The following ARHGEF4 variants were observed in gnomAD, a reference collection of about 807,000 sequenced individuals.
ARHGEF4 encodes the protein Rho guanine nucleotide exchange factor 4.
Under a neutral mutation model 162.0 loss-of-function variants are expected in ARHGEF4, and 119 were observed. That is an observed-to-expected ratio of 0.73 (90% CI 0.63 to 0.86). The LOEUF (loss-of-function observed/expected upper bound fraction) is 0.86, where lower values mean the gene tolerates loss of function less well. ARHGEF4 is among the 40% of genes least tolerant of loss of function. The pLI, the probability that ARHGEF4 is intolerant of heterozygous loss-of-function variation, is 0.00. For missense variants in ARHGEF4, 2,488 were observed against 2,456.0 expected, an observed-to-expected ratio of 1.01 and a Z score of -0.28; for synonymous variants, 1,014 against 979.9, an observed-to-expected ratio of 1.03 and a Z score of -0.65.
intron 3 of ARHGEF4, among the ~76,000 whole-genome samples, chr2:130,943,928 C>T (rs1040340490): frequency 2.6e-5 from 4 of 152,174 alleles, no homozygotes; most frequent in Non-Finnish European, 4.4e-5. Flanking sequence ...CCTCTGGTAT[C>T]ATTTTCCTTT....
intron 3 of ARHGEF4, 46 bp downstream of exon 3, chr2:130,931,303 C>A: frequency 6.6e-7 from 1 of 1,518,938 alleles, no homozygotes; most frequent in East Asian, 2.4e-5. Context: ...TCTGGTATCC[C>A]CTTCTCTCTG....
intron 6 of ARHGEF4, chr2:131,039,570 C>T (rs773465188): frequency 8.7e-6 from 9 of 1,035,550 alleles, no homozygotes; most frequent in Admixed American, 5.3e-5. Flanking sequence ...AGGTCCCAGG[C>T]CCTGGTGTTC....
intron 4 of ARHGEF4, among the ~76,000 whole-genome samples, chr2:130,958,503 C>T (rs566331597): frequency 8.6e-5 from 13 of 151,740 alleles, no homozygotes; most frequent in African/African-American, 1.2e-4. Context: ...TCCGCCCCCC[C>T]GATCCGAGCG....
Position 130,915,736 on chromosome 2 carries a change from G to A in ARHGEF4, c.1790G>A (p.Cys597Tyr), listed in dbSNP as rs1681442269. The A allele has an allele frequency of 6.5e-7, 1 of 1,547,090 alleles. No homozygotes were observed. The highest frequency in any genetic ancestry group is 1.4e-5 in the African/African-American group (1 of 73,008). Residue 597 changes from cysteine (C) to tyrosine (Y), a missense_variant, in exon 2 of 14, where the codon TGC (cysteine) becomes TAC (tyrosine). By Grantham distance (194) the Cys-to-Tyr change is radical (BLOSUM62 -2). This residue lies in a region of ARHGEF4 where 1,642 missense variants were observed against 1,481.5 expected (regional missense o/e 1.11). Coordinates refer to ENST00000409359, the MANE Select transcript of ARHGEF4 (RefSeq NM_001367493.1). Reference sequence around the variant, plus strand: ...TTCAAGGCAGCCACGGTGTCTCACTGCGGCCCCGGGGCTGAGGAGGGTGAA... The same window carrying A: ...TTCAAGGCAGCCACGGTGTCTCACTACGGCCCCGGGGCTGAGGAGGGTGAA... ...SEFKAATVSH[C>Y]GPGAEEGEQG...
At chr2:130,904,818 C>G (rs1047088353) in intron 1 of ARHGEF4, among the ~76,000 whole-genome samples, 3 of 151,592 alleles carry the variant, frequency 2.0e-5, no homozygotes, top group Non-Finnish European at 4.4e-5. Flanking sequence ...GTGGCTCATG[C>G]CTGTAATCCC....
At chr2:130,842,648 A>G (rs67203508) in intron 1 of ARHGEF4, among the ~76,000 whole-genome samples, 2,023 of 152,296 alleles carry the variant, frequency 0.013, 48 homozygotes, top group African/African-American at 0.046. Flanking sequence ...GGGGCTGGCC[A>G]TGCAGGCAGT....
rs541655115 is a variant in ARHGEF4 at position 131,005,401 on chromosome 2, C to G, written c.3986-22544C>G. On this transcript the variant is annotated intron_variant, in intron 4 of 13. Transcript: ENST00000409359. ...AGGGCTGCCCTCCAGCAGCAGGGCC[C>G]TCCCACAACAGCCACTCCCTGCCGT... Among the ~76,000 whole-genome samples the G allele has an allele frequency of 1.9e-4, 29 of 152,302 alleles. No individual in the cohort carries two copies. The East Asian group carries it at 5.4e-3, about 28-fold the overall frequency.
Position 130,915,086 on chromosome 2 carries a change from C to T in ARHGEF4, c.1140C>T (p.Ser380=). The T allele has an allele frequency of 6.4e-7, 1 of 1,550,692 alleles. No individual in the cohort carries two copies. ...ATCCAAGAATACAAAACATCCCTTC[C>T]CCTGCACCCACCCAGCTGTCTGGCC... ...ERDPRIQNIP[S]PAPTQLSGPI... Residue 380 remains serine (S), a synonymous_variant, in exon 2 of 14, where the codon TCC becomes TCT. Transcript: ENST00000409359.
At chr2:131,031,561 C>T (rs1689854138) in intron 5 of ARHGEF4, among the ~76,000 whole-genome samples, 1 of 152,240 alleles carries the variant, frequency 6.6e-6, no homozygotes, top group Non-Finnish European at 1.5e-5. Context: ...CCTGCATTGT[C>T]CCATATGGGC....
chr2:130,888,466 C>CA (rs200173005), intron 1 of ARHGEF4, among the ~76,000 whole-genome samples: 35 of 143,256 alleles, frequency 2.4e-4, no homozygotes, highest in Non-Finnish European at 2.8e-4. Flanking sequence ...GACTCTGTCC[C>CA]AAAAAAAAAA....
In ARHGEF4 at chr2:130,954,884, TTC is replaced by T. The variant is rs1052535106; in HGVS notation, c.3985+8257_3985+8258del. Among the ~76,000 whole-genome samples the T allele has an allele frequency of 3.3e-5, 5 of 152,308 alleles. No individual in the cohort carries two copies. The South Asian group carries it at 8.3e-4, about 25-fold the overall frequency. On this transcript the variant is annotated intron_variant, in intron 4 of 13. Coordinates refer to ENST00000409359, the MANE Select transcript of ARHGEF4 (RefSeq NM_001367493.1). The stretch of plus-strand genomic sequence containing the variant: ...TTTGAATATTTTCCCCTTCCCCTTT[TTC>T]TCTCTCTTTCTGATATTCCCATTAC...
intron 4 of ARHGEF4, among the ~76,000 whole-genome samples, chr2:130,980,847 A>C (rs1686071268): frequency 6.6e-6 from 1 of 152,248 alleles, no homozygotes; most frequent in African/African-American, 2.4e-5. Flanking sequence ...ATTCTACTCA[A>C]TATAATTTCC....
intron 1 of ARHGEF4, among the ~76,000 whole-genome samples, chr2:130,878,155 GT>G (rs1393159706): frequency 6.6e-6 from 1 of 152,158 alleles, no homozygotes; most frequent in Non-Finnish European, 1.5e-5. Context: ...ATACTTTAGG[GT>G]TTGTAGGCAG....
chr2:130,872,537 C>T (rs1045865479), intron 1 of ARHGEF4, among the ~76,000 whole-genome samples: 7 of 152,150 alleles, frequency 4.6e-5, no homozygotes, highest in African/African-American at 1.7e-4. Context: ...AGCTGAATCA[C>T]GCCAATTGTG....
intron 10 of ARHGEF4, 94 bp from the exon 11 acceptor site, chr2:131,043,358 A>G: frequency 6.5e-7 from 1 of 1,548,788 alleles, no homozygotes; most frequent in Non-Finnish European, 8.8e-7. Flanking sequence ...AGGCAAGGCC[A>G]GGGGGAGGTG....
intron 4 of ARHGEF4, among the ~76,000 whole-genome samples, chr2:131,025,246 G>T (rs1689403613): frequency 6.6e-6 from 1 of 152,140 alleles, no homozygotes; most frequent in Non-Finnish European, 1.5e-5. Context: ...GAGCAAAGGG[G>T]GAAGTGCTGC....
chr2:130,884,528 G>A (rs1291340450), intron 1 of ARHGEF4, among the ~76,000 whole-genome samples: 1 of 152,092 alleles, frequency 6.6e-6, no homozygotes, highest in Non-Finnish European at 1.5e-5. Flanking sequence ...AACAGTGGTA[G>A]CTGGCATTAT....
chr2:130,995,010 G>T (rs1201583761), intron 4 of ARHGEF4, among the ~76,000 whole-genome samples: 1 of 152,156 alleles, frequency 6.6e-6, no homozygotes, highest in East Asian at 1.9e-4. Context: ...GCCCAGATGT[G>T]GTTATTTGAA....
At chr2:130,953,154 G>C (rs62178899) in intron 4 of ARHGEF4, among the ~76,000 whole-genome samples, 6,381 of 152,116 alleles carry the variant, frequency 0.042, 147 homozygotes, top group Middle Eastern at 0.071. Flanking sequence ...TGACTTCAAA[G>C]TATACTACAA....
Sources: gnomAD v4.1 joint callset for allele counts (sites outside exome capture counted in the v4.1 genomes callset) on GRCh38, gnomAD v4.1.1 for gene constraint, gnomAD v4.1.1 regional missense constraint, MANE v1.5 for transcripts, NCBI Gene and HGNC (gene_info 2026-07-23, HGNC 2026-07-21) for gene names.